SMURF1: variants seen among roughly 807,000 people sequenced by gnomAD.
SMURF1 encodes the protein E3 ubiquitin-protein ligase SMURF1.
In SMURF1, 44 loss-of-function variants were observed where a neutral mutation model predicts 98.0. That is an observed-to-expected ratio of 0.45 (90% CI 0.35 to 0.58). SMURF1 has a LOEUF of 0.58. SMURF1 is among the 20% of genes least tolerant of loss of function. The probability of loss-of-function intolerance (pLI) is 0.00; values close to 1 mark genes in which losing one functional copy is unlikely to be tolerated. For missense variants in SMURF1, 687 were observed against 938.4 expected (o/e 0.73, Z 3.50); for synonymous variants, 396 against 374.9 (o/e 1.06, Z -0.65).
chr7:99,143,388 A>G (rs564580888), intron 1 of SMURF1, among the ~76,000 whole-genome samples: 2 of 104,506 alleles, frequency 1.9e-5, no homozygotes, highest in Non-Finnish European at 3.9e-5. Context: ...GGCCAGGAAA[A>G]GAGAAGCGAG....
chr7:99,123,149 A>G (rs1797678966), intron 1 of SMURF1, among the ~76,000 whole-genome samples: 1 of 152,014 alleles, frequency 6.6e-6, no homozygotes, highest in Admixed American at 6.6e-5. Flanking sequence ...TTTCAAAAAT[A>G]TATATGCAAT....
intron 1 of SMURF1, among the ~76,000 whole-genome samples, chr7:99,120,277 T>G (rs1271475334): frequency 6.6e-6 from 1 of 152,230 alleles, no homozygotes. Flanking sequence ...CTTTGTAAAT[T>G]ACTCAGTCTC....
At chr7:99,076,531 T>C (rs1280152800) in intron 1 of SMURF1, among the ~76,000 whole-genome samples, 1 of 152,114 alleles carries the variant, frequency 6.6e-6, no homozygotes, top group Non-Finnish European at 1.5e-5. Flanking sequence ...GCTGTCAAGA[T>C]CATCAAAAGC....
chr7:99,030,853 A>C, intron 17 of SMURF1, 170 bp from the exon 18 acceptor site: 1 of 540,324 alleles, frequency 1.9e-6, no homozygotes, highest in South Asian at 2.4e-5. Context: ...TTCTAATACA[A>C]AGATTTGTAA....
intron 1 of SMURF1, among the ~76,000 whole-genome samples, chr7:99,073,070 C>A (rs1019058372): frequency 1.3e-5 from 2 of 152,190 alleles, no homozygotes; most frequent in African/African-American, 4.8e-5. Context: ...CACGCTACTT[C>A]ATCAAGACAA....
At chr7:99,071,890 C>T (rs1796332415) in intron 1 of SMURF1, among the ~76,000 whole-genome samples, 2 of 150,826 alleles carry the variant, frequency 1.3e-5, no homozygotes, top group South Asian at 2.1e-4. Context: ...CCCTGAGCAA[C>T]GTAACAAGAC....
chr7:99,140,001 A>G (rs935647257), intron 1 of SMURF1, among the ~76,000 whole-genome samples: 3 of 152,246 alleles, frequency 2.0e-5, no homozygotes, highest in African/African-American at 7.2e-5. Context: ...GATTAAGAAT[A>G]CCACTAAGCC....
intron 14 of SMURF1, among the ~76,000 whole-genome samples, chr7:99,037,705 C>T (rs1795200909): frequency 6.6e-6 from 1 of 152,136 alleles, no homozygotes; most frequent in African/African-American, 2.4e-5. Flanking sequence ...CCGATTTGCT[C>T]GCGAAAACAG....
chr7:99,079,319 G>T (rs1796532343), intron 1 of SMURF1, among the ~76,000 whole-genome samples: 1 of 152,216 alleles, frequency 6.6e-6, no homozygotes, highest in South Asian at 2.1e-4. Flanking sequence ...TTCTGCGCAG[G>T]CTGGCAGGTG....
intron 17 of SMURF1, among the ~76,000 whole-genome samples, chr7:99,031,999 G>A (rs1035784211): frequency 6.6e-6 from 1 of 152,212 alleles, no homozygotes; most frequent in Non-Finnish European, 1.5e-5. Flanking sequence ...AATTTAGGAA[G>A]AAAACATTTG....
At chr7:99,076,769 G>A (rs536725035) in intron 1 of SMURF1, among the ~76,000 whole-genome samples, 119 of 152,314 alleles carry the variant, frequency 7.8e-4, no homozygotes, top group African/African-American at 2.5e-3. Flanking sequence ...GAATCTGGAC[G>A]TGTGTATGCG....
intron 1 of SMURF1, among the ~76,000 whole-genome samples, chr7:99,063,244 TATATATATATATATATATA>T (rs1796086880): frequency 0.015 from 221 of 14,502 alleles, 23 homozygotes; most frequent in East Asian, 0.061. Context: ...GATTTATTTA[TATATATATATATATATATA>T]TATATATATA....
At chr7:99,125,401 T>G (rs1279666919) in intron 1 of SMURF1, among the ~76,000 whole-genome samples, 2 of 138,824 alleles carry the variant, frequency 1.4e-5, no homozygotes, top group Non-Finnish European at 3.2e-5. Context: ...AATGTTTCTG[T>G]TTTTGTTTTT....
chr7:99,077,927 G>A (rs1363226508), intron 1 of SMURF1, among the ~76,000 whole-genome samples: 1 of 152,088 alleles, frequency 6.6e-6, no homozygotes, highest in Non-Finnish European at 1.5e-5. Context: ...AATCCTGAAA[G>A]GGCTCATTCT....
chr7:99,040,232 CCCT>C, intron 13 of SMURF1, 143 bp downstream of exon 13: 1 of 903,126 alleles, frequency 1.1e-6, no homozygotes, highest in Non-Finnish European at 1.5e-6. Context: ...CCAAAAAATC[CCCT>C]TTTTTTGTTT....
chr7:99,039,555 G>C (rs886295079), intron 13 of SMURF1, among the ~76,000 whole-genome samples: 10 of 152,070 alleles, frequency 6.6e-5, no homozygotes, highest in Non-Finnish European at 1.2e-4. Context: ...CACCATGTTG[G>C]CCAGGTTGGT....
intron 1 of SMURF1, among the ~76,000 whole-genome samples, chr7:99,069,798 C>G (rs983764077): frequency 2.0e-5 from 3 of 152,244 alleles, no homozygotes; most frequent in Non-Finnish European, 2.9e-5. Context: ...ATTCCATTAT[C>G]TGCAACTGAA....
chr7:99,085,280 G>A (rs537091841), intron 1 of SMURF1, among the ~76,000 whole-genome samples: 12 of 150,782 alleles, frequency 8.0e-5, no homozygotes, highest in African/African-American at 2.7e-4. Flanking sequence ...TTGAACCCAG[G>A]AGGTGGAGAG....
Position 99,066,222 on chromosome 7 carries a change from G to A in SMURF1, c.56-4385C>T, listed in dbSNP as rs551038167. ...TGTCTTCCTTTTAAAATTCTCCAGT[G>A]GCTTCCCCTTGCAGAACTCTAGCCT... On this transcript the variant is annotated intron_variant, in intron 1 of 17. Transcript: ENST00000361368. 3.9e-4 allele frequency among the ~76,000 whole-genome samples: 60 copies of A among 152,122 alleles called. 1 individual carries two copies. Among genetic ancestry groups the A allele is most frequent in the African/African-American group, 1.4e-3 (57 of 41,472 alleles).
Sources: allele counts gnomAD v4.1 joint callset (sites outside exome capture counted in the v4.1 genomes callset), GRCh38; gene constraint gnomAD v4.1.1; transcripts MANE v1.5; gene names NCBI Gene and HGNC (gene_info 2026-07-23, HGNC 2026-07-21).